The following CEP112 variants were observed in gnomAD, a reference collection of about 807,000 sequenced individuals.
CEP112 encodes the protein centrosomal protein of 112 kDa.
CEP112 carries 127 observed loss-of-function variants against 153.0 expected under a neutral mutation model. The ratio of observed to expected loss-of-function variants is 0.83; its 90% CI spans 0.72 to 0.96. CEP112 has a LOEUF of 0.96. Among genes scored for constraint, CEP112 ranks in the 40% least tolerant of loss-of-function variants. CEP112 has a pLI of 0.00. For synonymous variants in CEP112, 358 were observed against 374.4 expected (o/e 0.96, Z 0.51); for missense variants, 1,089 against 1,101.2 (o/e 0.99, Z 0.16).
chr17:65,981,399 T>G (rs922810423), intron 17 of CEP112, among the ~76,000 whole-genome samples: 17 of 152,292 alleles, frequency 1.1e-4, no homozygotes, highest in African/African-American at 3.8e-4. Context: ...AGCCAACATA[T>G]CTATGAGAAG....
chr17:65,782,532 A>T (rs1331799641), intron 21 of CEP112, among the ~76,000 whole-genome samples: 1 of 152,198 alleles, frequency 6.6e-6, no homozygotes, highest in African/African-American at 2.4e-5. Flanking sequence ...AAAAAGACAC[A>T]TGTACATGAG....
chr17:65,914,002 G>C lies in CEP112; in HGVS notation c.1981-11668C>G, dbSNP rs192578849. ...TCTGCCAGATCTCAGTTGAAACTCA[G>C]GAAGAAGCCAGATAGTCAAATGCTT... On this transcript the variant is annotated intron_variant, in intron 19 of 26. Transcript: ENST00000535342. The C allele has an allele frequency of 2.1e-5, 8 of 389,610 alleles. No individual in the cohort carries two copies. In the East Asian group the frequency reaches 1.1e-3, roughly 55 times the overall value. 24.1% of individuals were successfully genotyped at this position (389,610 alleles called of 1,614,324 possible).
rs9916788 is a variant in CEP112, at chr17:65,796,266, C to T, written c.2395-45542G>A. 3.2e-3 allele frequency among the ~76,000 whole-genome samples: 485 copies of T among 152,210 alleles called. 3 individuals are homozygous for T. Among genetic ancestry groups the T allele is most frequent in the African/African-American group, 0.011 (455 of 41,542 alleles). ...ATGTTTGTCTTCCTTTATTAGACTA[C>T]GATTCCTCAGAACACAGGAACCTTC... On this transcript the variant is annotated intron_variant, in intron 21 of 26. Coordinates refer to ENST00000535342, the MANE Select transcript of CEP112 (RefSeq NM_001199165.4).
In CEP112 at chr17:65,685,667, ATTTTTTT is replaced by A. The variant is rs556118592; in HGVS notation, c.2697+3455_2697+3461del. 4.4e-3 allele frequency among the ~76,000 whole-genome samples: 467 copies of A among 105,286 alleles called. 3 individuals are homozygous for A. Among genetic ancestry groups the A allele is most frequent in the South Asian group, 0.016 (50 of 3,142 alleles). 69.1% of individuals were successfully genotyped at this position (105,286 alleles called of 152,430 possible). A position where few individuals can be genotyped will look rare whatever the true frequency, so the allele number is the denominator to read the frequency against. ...AAAAGTGTCTGTGACAATAGTTCTA[ATTTTTTT>A]TTTTTTTTTTTTTTTTGAGATGGTG... On this transcript the variant is annotated intron_variant, in intron 24 of 26. Coordinates refer to ENST00000535342, the MANE Select transcript of CEP112 (RefSeq NM_001199165.4).
At chr17:65,669,534 A>G (rs1011404649) in intron 24 of CEP112, among the ~76,000 whole-genome samples, 3 of 152,218 alleles carry the variant, frequency 2.0e-5, no homozygotes, top group African/African-American at 7.2e-5. Flanking sequence ...AGATACCAGA[A>G]AACAGAGATT....
At chr17:65,806,766 C>T (rs546644973) in intron 21 of CEP112, among the ~76,000 whole-genome samples, 40 of 152,146 alleles carry the variant, frequency 2.6e-4, no homozygotes, top group Middle Eastern at 3.4e-3. Flanking sequence ...GCCTCCCAGT[C>T]ATGCTTCCTG....
At chr17:65,828,223 T>C (rs942432864) in intron 21 of CEP112, among the ~76,000 whole-genome samples, 2 of 152,210 alleles carry the variant, frequency 1.3e-5, no homozygotes, top group Non-Finnish European at 2.9e-5. Flanking sequence ...CTGTTCTTCA[T>C]TTCTTTTCAA....
chr17:65,690,632 G>A (rs1452401500), intron 23 of CEP112, among the ~76,000 whole-genome samples: 1 of 152,086 alleles, frequency 6.6e-6, no homozygotes, highest in Non-Finnish European at 1.5e-5. Flanking sequence ...CCAGCTGGGC[G>A]AAGACCTGAA....
intron 21 of CEP112, among the ~76,000 whole-genome samples, chr17:65,751,996 A>T (rs572920721): frequency 7.1e-6 from 1 of 139,978 alleles, no homozygotes; most frequent in African/African-American, 2.7e-5. Flanking sequence ...CTATCTATCT[A>T]TCTATCTACT....
At chr17:65,775,351 C>A (rs1363460154) in intron 21 of CEP112, among the ~76,000 whole-genome samples, 1 of 152,096 alleles carries the variant, frequency 6.6e-6, no homozygotes, top group African/African-American at 2.4e-5. Context: ...ATCAGTGCTG[C>A]CTCTGCACGC....
chr17:65,839,502 T>C (rs1306129628), intron 21 of CEP112, among the ~76,000 whole-genome samples: 1 of 150,300 alleles, frequency 6.7e-6, no homozygotes, highest in Non-Finnish European at 1.5e-5. Flanking sequence ...AAACCGTGTA[T>C]AGTAGAAACA....
chr17:65,881,002 G>A, intron 20 of CEP112, among the ~76,000 whole-genome samples: 1 of 152,148 alleles, frequency 6.6e-6, no homozygotes, highest in East Asian at 1.9e-4. Flanking sequence ...AGATCACAAG[G>A]TCAGGAGATC....
intron 18 of CEP112, among the ~76,000 whole-genome samples, chr17:65,929,166 T>C (rs913455115): frequency 1.3e-5 from 2 of 152,210 alleles, no homozygotes; most frequent in African/African-American, 4.8e-5. Flanking sequence ...TTAAAACCAC[T>C]GAATTGTACA....
In CEP112 at chr17:66,151,074, T is replaced by G. The variant is rs900083857; in HGVS notation, c.471-18311A>C. 3.3e-5 allele frequency among the ~76,000 whole-genome samples: 5 copies of G among 152,238 alleles called. No homozygotes were observed. In the East Asian group the frequency reaches 9.6e-4, roughly 29 times the overall value. Reference sequence around the variant, plus strand: ...CATCCTTTTACTTTCAAGCTATTTATCTTTGTATTTAAAGTATGTCTCTTA... The same window carrying G: ...CATCCTTTTACTTTCAAGCTATTTAGCTTTGTATTTAAAGTATGTCTCTTA... On this transcript the variant is annotated intron_variant, in intron 4 of 26. Transcript: ENST00000535342.
chr17:66,177,165 G>C (rs932094044), intron 2 of CEP112, 145 bp from the exon 3 acceptor site: 1 of 593,648 alleles, frequency 1.7e-6, no homozygotes, highest in Admixed American at 3.4e-5. Context: ...TATACTTTAG[G>C]CTTCACAGGC....
chr17:65,716,077 G>A (rs932022758), intron 23 of CEP112, among the ~76,000 whole-genome samples: 1 of 152,070 alleles, frequency 6.6e-6, no homozygotes, highest in Non-Finnish European at 1.5e-5. Context: ...ACCGAGCACT[G>A]GATATAAAGC....
intron 20 of CEP112, among the ~76,000 whole-genome samples, chr17:65,862,281 G>A (rs2058334311): frequency 1.3e-5 from 2 of 152,156 alleles, no homozygotes; most frequent in South Asian, 4.1e-4. Flanking sequence ...GGTACAGGCA[G>A]CAATTTTAAT....
At chr17:65,711,374 G>A (rs2049176517) in intron 23 of CEP112, among the ~76,000 whole-genome samples, 1 of 152,104 alleles carries the variant, frequency 6.6e-6, no homozygotes, top group South Asian at 2.1e-4. Context: ...TTACTCATTT[G>A]TAAATAAAGG....
intron 21 of CEP112, among the ~76,000 whole-genome samples, chr17:65,797,458 A>G (rs761848207): frequency 6.6e-6 from 1 of 152,174 alleles, no homozygotes; most frequent in Non-Finnish European, 1.5e-5. Context: ...GAGGATAAAG[A>G]TACCTGCTGA....
Sources: gnomAD v4.1 joint callset for allele counts (sites outside exome capture counted in the v4.1 genomes callset) on GRCh38, gnomAD v4.1.1 for gene constraint, MANE v1.5 for transcripts, NCBI Gene and HGNC (gene_info 2026-07-23, HGNC 2026-07-21) for gene names.